The following PPP1R15B variants were observed in gnomAD, a reference collection of about 807,000 sequenced individuals.
PPP1R15B encodes protein phosphatase 1, regulatory (inhibitor) subunit 15B.
PPP1R15B carries 31 observed loss-of-function variants against 53.9 expected under a neutral mutation model. The observed-to-expected ratio is 0.58, with a 90% CI of 0.43 to 0.78. The LOEUF is 0.78. Among genes scored for constraint, PPP1R15B ranks in the 30% least tolerant of loss-of-function variants. The pLI is 0.00. For missense variants in PPP1R15B, 928 were observed against 849.6 expected, an observed-to-expected ratio of 1.09 and a Z score of -1.15; for synonymous variants, 345 against 329.1, an observed-to-expected ratio of 1.05 and a Z score of -0.52.
At chr1:204,408,725 T>G (rs1044769898) in intron 1 of PPP1R15B, among the ~76,000 whole-genome samples, 1 of 152,170 alleles carries the variant, frequency 6.6e-6, no homozygotes, top group Non-Finnish European at 1.5e-5. Context: ...AACCTGACAA[T>G]GTAATTAAAG....
downstream of PPP1R15B, among the ~76,000 whole-genome samples, chr1:204,396,390 A>AAAAC (rs1558212187): frequency 5.8e-5 from 8 of 138,888 alleles, no homozygotes; most frequent in Non-Finnish European, 1.1e-4. Context: ...AAACAAAAAA[A>AAAAC]AAAAAACAAA....
In PPP1R15B at chr1:204,405,408, A is replaced by G. The variant is rs1674247242; in HGVS notation, c.*684T>C. 1 of 985,290 alleles carries G rather than the reference A, an allele frequency of 1.0e-6. No individual in the cohort carries two copies. Among genetic ancestry groups the G allele is most frequent in the Non-Finnish European group, 1.2e-6 (1 of 829,812 alleles). 61.0% of individuals were successfully genotyped at this position (985,290 alleles called of 1,614,324 possible). ...TGTGGTAGAAAGATGCAGCTTTCCCAAAGTAGTAAAGTACTGCACATATGG... is the reference window on the plus strand; with the variant it reads ...TGTGGTAGAAAGATGCAGCTTTCCCGAAGTAGTAAAGTACTGCACATATGG... On this transcript the variant is annotated 3_prime_UTR_variant, in exon 2 of 2. Transcript: ENST00000367188.
At chr1:204,398,957 T>C (rs552145737), downstream of PPP1R15B, among the ~76,000 whole-genome samples, 4 of 152,256 alleles carry the variant, frequency 2.6e-5, no homozygotes, top group South Asian at 2.1e-4. Context: ...CCTAGCCAAA[T>C]TGAAATTTGT....
chr1:204,408,749 A>G lies in PPP1R15B; in HGVS notation c.1920+743T>C, dbSNP rs74814687. ...ATGTAATTAAAGCGTAAAATGCTGC[A>G]TGAAGTTTTAAGACTAGCCTGGGAA... On this transcript the variant is annotated intron_variant, in intron 1 of 1. Coordinates refer to ENST00000367188, the MANE Select transcript of PPP1R15B (RefSeq NM_032833.5). 8.4e-3 allele frequency among the ~76,000 whole-genome samples: 1,285 copies of G among 152,360 alleles called. 19 individuals carry two copies. The highest frequency in any genetic ancestry group is 0.029 in the African/African-American group (1,204 of 41,582).
In PPP1R15B at chr1:204,410,792, G is replaced by A. The variant is rs755678052; in HGVS notation, c.620C>T (p.Pro207Leu). Residue 207 changes from proline (P) to leucine (L), a missense_variant, in exon 1 of 2, where the codon CCT (proline) becomes CTT (leucine). Physicochemically the swap from Pro to Leu is moderately conservative, Grantham distance 98. Transcript: ENST00000367188. ...NRELGSSPSG[P>L]LNIQRIDNFS... ...ATTGTCTATGCGTTGAATGTTTAGA[G>A]GCCCAGAGGGCGAAGAGCCAAGTTC... is the stretch of plus-strand genomic sequence containing the variant. The A allele has an allele frequency of 1.7e-5, 28 of 1,614,092 alleles. No individual in the cohort carries two copies. Among genetic ancestry groups the A allele is most frequent in the African/African-American group, 4.0e-5 (3 of 74,932 alleles).
At chr1:204,402,909 T>TA (rs2103441449), downstream of PPP1R15B, among the ~76,000 whole-genome samples, 1 of 151,996 alleles carries the variant, frequency 6.6e-6, no homozygotes, top group East Asian at 1.9e-4. Flanking sequence ...CCATCTCTAC[T>TA]AAAAATACAA....
chr1:204,410,620 A>G lies in PPP1R15B; in HGVS notation c.792T>C (p.His264=). The part of the protein sequence containing the change: ...TPESSCLRED[H]CHPQPLSAEL... ...CTGCACTCAGCGGCTGGGGATGACA[A>G]TGGTCCTCTCTCAGGCAGCTGCTCT... is the stretch of plus-strand genomic sequence containing the variant. Residue 264 remains histidine (H), a synonymous_variant, in exon 1 of 2, where the codon CAT becomes CAC. Coordinates refer to ENST00000367188, the MANE Select transcript of PPP1R15B (RefSeq NM_032833.5). 4 of 1,613,960 alleles carry G rather than the reference A, an allele frequency of 2.5e-6. No homozygotes were observed. The highest frequency in any genetic ancestry group is 3.4e-6 in the Non-Finnish European group (4 of 1,179,922).
intron 1 of PPP1R15B, 133 bp downstream of exon 1, chr1:204,409,359 A>C: frequency 1.0e-6 from 1 of 976,160 alleles, no homozygotes; most frequent in South Asian, 1.7e-5. Context: ...CATATTTCTC[A>C]ATCCAAGTAT....
rs1367344275 is a variant in PPP1R15B, at chr1:204,410,314, T to G, written c.1098A>C (p.Glu366Asp). Residue 366 changes from glutamate (E) to aspartate (D), a missense_variant, in exon 1 of 2, where the codon GAA becomes GAC. Physicochemically the swap from Glu to Asp is conservative, Grantham distance 45. Coordinates refer to ENST00000367188, the MANE Select transcript of PPP1R15B (RefSeq NM_032833.5). ...CAAGTGGAACCTCTGTAGTTAATAA[T>G]TCTATTTTTTCTTCAGTGGATTCCT... ...NTQESTEEKIELLTTEVPLAL... is the reference protein window; with the variant it reads ...NTQESTEEKIDLLTTEVPLAL... 5.6e-6 allele frequency: 9 copies of G among 1,614,062 alleles called. No homozygotes were observed. The highest frequency in any genetic ancestry group is 6.8e-6 in the Non-Finnish European group (8 of 1,180,032).
downstream of PPP1R15B, among the ~76,000 whole-genome samples, chr1:204,399,623 T>C (rs1674144102): frequency 6.6e-6 from 1 of 152,090 alleles, no homozygotes; most frequent in Non-Finnish European, 1.5e-5. Context: ...GACACAGTTC[T>C]AGGCTCTGGA....
intron 1 of PPP1R15B, 120 bp downstream of exon 1, chr1:204,409,372 G>T: frequency 9.0e-7 from 1 of 1,106,222 alleles, no homozygotes; most frequent in Non-Finnish European, 1.3e-6. Flanking sequence ...CCAAGTATAT[G>T]AATTTAGAGG....
In PPP1R15B at chr1:204,405,573, C is replaced by G. The variant is rs565782250; in HGVS notation, c.*519G>C. ...TAATGCACTTTAAGTTGGTAGCATA[C>G]ACAAGGTTATTTTTTAGCCTAACAT... On this transcript the variant is annotated 3_prime_UTR_variant, in exon 2 of 2. Coordinates refer to ENST00000367188, the MANE Select transcript of PPP1R15B (RefSeq NM_032833.5). 3.1e-6 allele frequency: 3 copies of G among 979,610 alleles called. No individual in the cohort carries two copies. In the African/African-American group the frequency reaches 5.3e-5, roughly 17 times the overall value. 60.7% of individuals were successfully genotyped at this position (979,610 alleles called of 1,614,324 possible).
At chr1:204,402,397 G>A (rs1674192358), downstream of PPP1R15B, among the ~76,000 whole-genome samples, 1 of 151,846 alleles carries the variant, frequency 6.6e-6, no homozygotes, top group East Asian at 1.9e-4. Context: ...CATATATCTA[G>A]TATTAAAGCA....
rs12095238 is a variant in PPP1R15B at position 204,409,206 on chromosome 1, C to A, written c.1920+286G>T. 1.4e-3 allele frequency among the ~76,000 whole-genome samples: 207 copies of A among 152,226 alleles called. 2 individuals carry two copies. Among genetic ancestry groups the A allele is most frequent in the African/African-American group, 4.7e-3 (195 of 41,542 alleles). ...CGTTAAAAAGTGTGAAAAATTGAAGCTTGTAAGGAAACAGTCCAGAACTAC... is the reference window on the plus strand; with the variant it reads ...CGTTAAAAAGTGTGAAAAATTGAAGATTGTAAGGAAACAGTCCAGAACTAC... On this transcript the variant is annotated intron_variant, in intron 1 of 1. Coordinates refer to ENST00000367188, the MANE Select transcript of PPP1R15B (RefSeq NM_032833.5).
At chr1:204,403,289 T>C (rs899122941), downstream of PPP1R15B, 6 of 408,598 alleles carry the variant, frequency 1.5e-5, no homozygotes, top group African/African-American at 1.3e-4. Flanking sequence ...TACTAAAATG[T>C]TGTTTGCAAT....
At position 204,405,953 on chromosome 1, in the gene PPP1R15B, A is replaced by G. The variant is rs1674257260; in HGVS notation, c.*139T>C. 22 of 1,415,876 alleles carry G rather than the reference A, an allele frequency of 1.6e-5. No individual in the cohort carries two copies. In the South Asian group the frequency reaches 3.1e-4, roughly 20 times the overall value. The allele number at this position is 1,415,876 out of a possible 1,614,324, so 87.7% of individuals were successfully genotyped here. A position where few individuals can be genotyped will look rare whatever the true frequency, so the allele number is the denominator to read the frequency against. On this transcript the variant is annotated 3_prime_UTR_variant, in exon 2 of 2. Coordinates refer to ENST00000367188, the MANE Select transcript of PPP1R15B (RefSeq NM_032833.5). Reference sequence around the variant, plus strand: ...ATGTTTCTGAGTGGGATATGTTGCAAAAAAAAAAATTAAACTAGATCCAAG... The same window carrying G: ...ATGTTTCTGAGTGGGATATGTTGCAGAAAAAAAAATTAAACTAGATCCAAG...
At chr1:204,406,429 T>C (rs1674265837) in intron 1 of PPP1R15B, 116 bp from the exon 2 acceptor site, 1 of 1,333,426 alleles carries the variant, frequency 7.5e-7, no homozygotes, top group Non-Finnish European at 1.0e-6. Context: ...GAATAACATA[T>C]TATTATTAGG....
Position 204,411,782 on chromosome 1 carries a change from T to A in PPP1R15B, c.-371A>T, listed in dbSNP as rs1319407904. On this transcript the variant is annotated 5_prime_UTR_variant, in exon 1 of 2. Coordinates refer to ENST00000367188, the MANE Select transcript of PPP1R15B (RefSeq NM_032833.5). ...GCAACGCGATACCGGAAGGACTGGG[T>A]AGGCCGGCTGGTGCGGTGGAAGCGA... The A allele has an allele frequency of 1.2e-5, 3 of 253,008 alleles. No individual in the cohort carries two copies. Among genetic ancestry groups the A allele is most frequent in the Non-Finnish European group, 2.3e-5 (3 of 129,808 alleles). The allele number at this position is 253,008 out of a possible 1,614,324, so 15.7% of individuals were successfully genotyped here.
In PPP1R15B at chr1:204,406,237, G is replaced by A. The variant is rs770556808; in HGVS notation, c.1997C>T (p.Ala666Val). 51 of 1,613,974 alleles carry A rather than the reference G, an allele frequency of 3.2e-5. No homozygotes were observed. Among genetic ancestry groups the A allele is most frequent in the Admixed American group, 1.0e-4 (6 of 59,990 alleles). Residue 666 changes from alanine to valine, a missense_variant, in exon 2 of 2, where the codon GCA becomes GTA. Transcript: ENST00000367188. ...TTTCTGGAACCTGCATCCATCCCTTGCAAATTCTTCCCATGGTCCTTTGCG... is the reference window on the plus strand; with the variant it reads ...TTTCTGGAACCTGCATCCATCCCTTACAAATTCTTCCCATGGTCCTTTGCG... ...EDRKGPWEEF[A>V]RDGCRFQKRI...
Sources: allele counts gnomAD v4.1 joint callset (sites outside exome capture counted in the v4.1 genomes callset), GRCh38; gene constraint gnomAD v4.1.1; transcripts MANE v1.5; gene names NCBI Gene and HGNC (gene_info 2026-07-23, HGNC 2026-07-21).